The following GPHN variants were observed in gnomAD, a reference collection of about 807,000 sequenced individuals.
The protein encoded by GPHN is gephyrin.
GPHN carries 17 observed loss-of-function variants against 95.5 expected under a neutral mutation model. The observed-to-expected ratio is 0.18, with a 90% CI of 0.12 to 0.27. The LOEUF is 0.27. Ranked by LOEUF, GPHN falls within the 10% of genes least tolerant of loss-of-function variation. The pLI is 1.00. For missense variants in GPHN, 660 were observed against 978.1 expected, an observed-to-expected ratio of 0.67 and a Z score of 4.34; for synonymous variants, 320 against 322.5, an observed-to-expected ratio of 0.99 and a Z score of 0.08.
chr14:66,846,668 A>G (rs996020085), intron 4 of GPHN, among the ~76,000 whole-genome samples: 17 of 152,154 alleles, frequency 1.1e-4, no homozygotes, highest in African/African-American at 4.1e-4. Flanking sequence ...GTCGATAGGA[A>G]TCTCTTTAAT....
chr14:66,508,413 C>A lies in GPHN; in HGVS notation c.-115C>A. The A allele has an allele frequency of 1.1e-6, 1 of 924,874 alleles. No homozygotes were observed. The allele number at this position is 924,874 out of a possible 1,614,324, so 57.3% of individuals were successfully genotyped here. ...TCCCCCTCCTTCCCCGCTCTCCTCG[C>A]GCTTCTCTGGCTCCCTAGCTGTCGC... On this transcript the variant is annotated 5_prime_UTR_variant, in exon 1 of 23. Transcript: ENST00000478722.
At chr14:66,883,721 T>G (rs1046103037) in intron 5 of GPHN, among the ~76,000 whole-genome samples, 1 of 152,082 alleles carries the variant, frequency 6.6e-6, no homozygotes, top group Non-Finnish European at 1.5e-5. Flanking sequence ...TTTCTGTGGG[T>G]AGTGGCTCAG....
At chr14:66,796,732 C>T (rs2060170188) in intron 3 of GPHN, among the ~76,000 whole-genome samples, 2 of 151,980 alleles carry the variant, frequency 1.3e-5, no homozygotes, top group East Asian at 1.9e-4. Flanking sequence ...AATCCCTTGT[C>T]CGATGGGTAG....
At chr14:66,688,664 C>T (rs2067563005) in intron 2 of GPHN, among the ~76,000 whole-genome samples, 2 of 152,040 alleles carry the variant, frequency 1.3e-5, no homozygotes, top group Non-Finnish European at 2.9e-5. Flanking sequence ...TTTGGATAGT[C>T]CTTTCCAATT....
chr14:67,659,303 C>G, the GPHN span, among the ~76,000 whole-genome samples: 2 of 152,078 alleles, frequency 1.3e-5, no homozygotes, highest in Admixed American at 1.3e-4. Flanking sequence ...TAACAATATT[C>G]TGATAAATTA....
the GPHN span, among the ~76,000 whole-genome samples, chr14:67,489,749 G>A: frequency 6.6e-6 from 1 of 152,198 alleles, no homozygotes; most frequent in Non-Finnish European, 1.5e-5. Flanking sequence ...CCAGCACATT[G>A]GGAGGCCGAG....
chr14:67,189,546 G>C, the GPHN span: 1 of 152,174 alleles, frequency 6.6e-6, no homozygotes, highest in Non-Finnish European at 1.5e-5. Flanking sequence ...GATCTCCAGA[G>C]ATCTATTTCA....
the GPHN span, among the ~76,000 whole-genome samples, chr14:67,657,598 G>GCACACACGCACACA: frequency 2.7e-5 from 3 of 112,372 alleles, no homozygotes; most frequent in Non-Finnish European, 5.7e-5. Context: ...GCGCGCGCGT[G>GCACACACGCACACA]CACACACACA....
intron 3 of GPHN, among the ~76,000 whole-genome samples, chr14:66,790,209 C>G (rs2059923722): frequency 6.6e-6 from 1 of 152,158 alleles, no homozygotes; most frequent in Non-Finnish European, 1.5e-5. Flanking sequence ...GCCAATATTT[C>G]TGGCTTTTGA....
intron 3 of GPHN, among the ~76,000 whole-genome samples, chr14:66,807,965 C>T (rs1366716243): frequency 1.3e-5 from 2 of 152,186 alleles, no homozygotes; most frequent in African/African-American, 2.4e-5. Context: ...TAGAATCTGC[C>T]TTTCTCAAAT....
In GPHN at chr14:67,164,740, C is replaced by G. The variant is rs887881438; in HGVS notation, c.1911-422C>G. Among the ~76,000 whole-genome samples the G allele has an allele frequency of 3.3e-5, 5 of 152,216 alleles. No individual in the cohort carries two copies. In the South Asian group the frequency reaches 6.2e-4, roughly 19 times the overall value. ...CTCCTGACCTCAAGTGATCCACCCC[C>G]CTCAGCCTCCCAAAGTGTTGGGATT... On this transcript the variant is annotated intron_variant, in intron 19 of 22. Transcript: ENST00000478722.
the GPHN span, among the ~76,000 whole-genome samples, chr14:67,438,390 G>A: frequency 6.6e-6 from 1 of 152,150 alleles, no homozygotes; most frequent in Non-Finnish European, 1.5e-5. Context: ...CTGCAAAATG[G>A]GACACAATCC....
the GPHN span, among the ~76,000 whole-genome samples, chr14:67,409,972 C>T: frequency 1.3e-5 from 2 of 152,116 alleles, no homozygotes; most frequent in Non-Finnish European, 2.9e-5. Context: ...AGGGGTGTGA[C>T]TTCTGCTTGC....
At chr14:67,633,310 G>T in the GPHN span, among the ~76,000 whole-genome samples, 5 of 151,830 alleles carry the variant, frequency 3.3e-5, no homozygotes, top group African/African-American at 1.2e-4. Context: ...GAAGAATCTA[G>T]GTCATTTGTC....
chr14:66,953,974 G>T (rs148051301), intron 8 of GPHN, among the ~76,000 whole-genome samples: 1 of 151,158 alleles, frequency 6.6e-6, no homozygotes, highest in Non-Finnish European at 1.5e-5. Flanking sequence ...GGCGGAGGTT[G>T]CAGTGAGCCA....
At chr14:67,503,205 T>C in the GPHN span, among the ~76,000 whole-genome samples, 1 of 152,164 alleles carries the variant, frequency 6.6e-6, no homozygotes, top group Non-Finnish European at 1.5e-5. Flanking sequence ...AGTTAAAAGA[T>C]CCTAACAGAA....
intron 2 of GPHN, among the ~76,000 whole-genome samples, chr14:66,691,297 G>T (rs1294242609): frequency 1.3e-5 from 2 of 151,864 alleles, no homozygotes; most frequent in African/African-American, 2.4e-5. Flanking sequence ...CGATTCTCCT[G>T]CCTCAGCCTC....
chr14:67,036,947 T>C (rs1232035615), intron 10 of GPHN, among the ~76,000 whole-genome samples: 1 of 151,932 alleles, frequency 6.6e-6, no homozygotes, highest in Admixed American at 6.6e-5. Context: ...AAAATTCATA[T>C]AGAATTTCAG....
chr14:67,320,294 G>A, the GPHN span: 1 of 1,613,792 alleles, frequency 6.2e-7, no homozygotes, highest in Non-Finnish European at 8.5e-7. Flanking sequence ...CAGCAAATAG[G>A]AAGAGACCTA....
Sources: allele counts gnomAD v4.1 joint callset (sites outside exome capture counted in the v4.1 genomes callset), GRCh38; gene constraint gnomAD v4.1.1; transcripts MANE v1.5; gene names NCBI Gene and HGNC (gene_info 2026-07-23, HGNC 2026-07-21).